The following LAPTM4B variants were observed in gnomAD, a reference collection of about 807,000 sequenced individuals.
LAPTM4B encodes lysosomal protein transmembrane 4 beta.
Under a neutral mutation model 28.5 loss-of-function variants are expected in LAPTM4B, and 26 were observed. That is an observed-to-expected ratio of 0.91 (90% confidence interval 0.67 to 1.27). LAPTM4B has a LOEUF of 1.27. Ranked by LOEUF, LAPTM4B falls within the 50% of genes most tolerant of loss-of-function variation. LAPTM4B has a pLI of 0.00. For missense variants in LAPTM4B, 288 were observed against 285.8 expected (o/e 1.01, Z -0.06); for synonymous variants, 109 against 106.4 (o/e 1.02, Z -0.15).
At chr8:97,805,564 A>G in intron 2 of LAPTM4B, 100 bp downstream of exon 2, 1 of 714,542 alleles carries the variant, frequency 1.4e-6, no homozygotes, top group Admixed American at 2.2e-5. Flanking sequence ...ATTTGAGCTG[A>G]TATATAACTT....
At chr8:97,777,137 GTTTTTTTTTTT>G (rs1176218610) in intron 1 of LAPTM4B, among the ~76,000 whole-genome samples, 8 of 83,852 alleles carry the variant, frequency 9.5e-5, no homozygotes, top group African/African-American at 1.9e-4. Context: ...TTTCAGTGAG[GTTTTTTTTTTT>G]TTTTTTTTTT....
chr8:97,777,564 C>G (rs1481095478), intron 1 of LAPTM4B, among the ~76,000 whole-genome samples: 1 of 152,048 alleles, frequency 6.6e-6, no homozygotes, highest in Non-Finnish European at 1.5e-5. Context: ...CTTCCTTGTA[C>G]CATTTTAAGC....
At chr8:97,786,712 A>C (rs867907303) in intron 1 of LAPTM4B, among the ~76,000 whole-genome samples, 23 of 151,068 alleles carry the variant, frequency 1.5e-4, no homozygotes, top group Admixed American at 2.7e-4. Context: ...AAAAAAAAAA[A>C]AAAAACCATT....
intron 2 of LAPTM4B, among the ~76,000 whole-genome samples, chr8:97,807,124 G>T (rs1169076899): frequency 6.6e-6 from 1 of 152,124 alleles, no homozygotes; most frequent in Non-Finnish European, 1.5e-5. Flanking sequence ...TACAGGTGTA[G>T]GCTCCGAAGC....
intron 1 of LAPTM4B, among the ~76,000 whole-genome samples, chr8:97,776,379 G>C (rs1307734741): frequency 6.6e-6 from 1 of 152,198 alleles, no homozygotes; most frequent in Non-Finnish European, 1.5e-5. Context: ...GTGGGTCGCC[G>C]ATCTCCAGCC....
At chr8:97,780,716 C>A (rs1467908761) in intron 1 of LAPTM4B, among the ~76,000 whole-genome samples, 2 of 152,074 alleles carry the variant, frequency 1.3e-5, no homozygotes, top group Non-Finnish European at 2.9e-5. Flanking sequence ...CTTAAAATCC[C>A]ATGGTTGGTT....
At chr8:97,776,149 C>G in intron 1 of LAPTM4B, 41 bp downstream of exon 1, 1 of 1,503,212 alleles carries the variant, frequency 6.7e-7, no homozygotes, top group Non-Finnish European at 8.9e-7. Flanking sequence ...GCGTTGCTTC[C>G]GCGCCCCTAG....
intron 1 of LAPTM4B, among the ~76,000 whole-genome samples, chr8:97,778,400 C>G (rs1016239832): frequency 1.3e-5 from 2 of 151,882 alleles, no homozygotes; most frequent in South Asian, 4.2e-4. Flanking sequence ...AATTGACTCT[C>G]CCTTAGCTAA....
intron 1 of LAPTM4B, among the ~76,000 whole-genome samples, chr8:97,800,048 G>A (rs951432591): frequency 3.3e-5 from 5 of 152,014 alleles, no homozygotes; most frequent in African/African-American, 7.2e-5. Context: ...ATTCTTTCTC[G>A]GAGCTCTTGT....
At chr8:97,798,902 C>G (rs576511562) in intron 1 of LAPTM4B, among the ~76,000 whole-genome samples, 1 of 152,338 alleles carries the variant, frequency 6.6e-6, no homozygotes, top group African/African-American at 2.4e-5. Context: ...TCCTGCAGTA[C>G]TTTCAGCACA....
At chr8:97,814,636 G>A (rs1189962547) in intron 2 of LAPTM4B, among the ~76,000 whole-genome samples, 1 of 152,194 alleles carries the variant, frequency 6.6e-6, no homozygotes, top group East Asian at 1.9e-4. Context: ...TAGAGAGGTA[G>A]ACTGCTCTGG....
intron 6 of LAPTM4B, among the ~76,000 whole-genome samples, chr8:97,837,566 A>G (rs558656229): frequency 6.6e-6 from 1 of 152,230 alleles, no homozygotes; most frequent in Admixed American, 6.5e-5. Context: ...TCCCTTCATA[A>G]AAGTCATAAT....
At chr8:97,815,549 A>G (rs1379338096) in intron 3 of LAPTM4B, 148 bp downstream of exon 3, 1 of 660,978 alleles carries the variant, frequency 1.5e-6, no homozygotes, top group East Asian at 2.7e-5. Flanking sequence ...GTACTAGGAA[A>G]ACCAATATTA....
chr8:97,811,842 G>C (rs1443841666), intron 2 of LAPTM4B, among the ~76,000 whole-genome samples: 1 of 152,170 alleles, frequency 6.6e-6, no homozygotes, highest in Non-Finnish European at 1.5e-5. Context: ...GTCTTGCTCT[G>C]TCGCCCAGGC....
intron 2 of LAPTM4B, among the ~76,000 whole-genome samples, chr8:97,806,928 A>G (rs1816763305): frequency 6.6e-6 from 1 of 152,160 alleles, no homozygotes; most frequent in Non-Finnish European, 1.5e-5. Flanking sequence ...AGTGCACTTC[A>G]GCCTGGGCAA....
chr8:97,821,077 C>T (rs1187567465), intron 5 of LAPTM4B, among the ~76,000 whole-genome samples: 1 of 151,684 alleles, frequency 6.6e-6, no homozygotes, highest in Non-Finnish European at 1.5e-5. Context: ...GTGGCTCATG[C>T]CTGTAATCCC....
At chr8:97,839,044 A>G (rs1308457643) in intron 6 of LAPTM4B, among the ~76,000 whole-genome samples, 3 of 152,288 alleles carry the variant, frequency 2.0e-5, no homozygotes, top group East Asian at 3.9e-4. Flanking sequence ...TCAAAGCATC[A>G]TGGGTGAGAT....
chr8:97,821,661 G>A (rs969397220), intron 5 of LAPTM4B, among the ~76,000 whole-genome samples: 6 of 152,156 alleles, frequency 3.9e-5, no homozygotes, highest in Non-Finnish European at 8.8e-5. Flanking sequence ...CTTCTAATTC[G>A]AGATGCAATC....
chr8:97,808,721 G>A (rs1214574871), intron 2 of LAPTM4B, among the ~76,000 whole-genome samples: 1 of 152,072 alleles, frequency 6.6e-6, no homozygotes, highest in East Asian at 1.9e-4. Context: ...GGAGGCTGGG[G>A]GCGGTGGTGG....
Sources: allele counts gnomAD v4.1 joint callset (sites outside exome capture counted in the v4.1 genomes callset), GRCh38; gene constraint gnomAD v4.1.1; transcripts MANE v1.5; gene names NCBI Gene and HGNC (gene_info 2026-07-23, HGNC 2026-07-21).